The following LINGO1 variants were observed in gnomAD, a reference collection of about 807,000 sequenced individuals.
The protein encoded by LINGO1 is leucine-rich repeat and immunoglobulin-like domain-containing nogo receptor-interacting protein 1.
Under a neutral mutation model 37.3 loss-of-function variants are expected in LINGO1, and 11 were observed. The ratio of observed to expected loss-of-function variants is 0.29; its 90% CI spans 0.19 to 0.49. LINGO1 has a LOEUF of 0.49. LINGO1 is among the 20% of genes least tolerant of loss of function. LINGO1 has a pLI of 0.99. For synonymous variants in LINGO1, 387 were observed against 403.0 expected, an observed-to-expected ratio of 0.96 and a Z score of 0.48; for missense variants, 585 against 878.2, an observed-to-expected ratio of 0.67 and a Z score of 4.22.
chr15:77,774,137 G>T lies in LINGO1; in HGVS notation c.-257+12732C>A, dbSNP rs1367095279. Among the ~76,000 whole-genome samples the T allele has an allele frequency of 2.6e-5, 4 of 152,138 alleles. No homozygotes were observed. In the East Asian group the frequency reaches 7.7e-4, roughly 29 times the overall value. On this transcript the variant is annotated intron_variant, in intron 1 of 3. Transcript: ENST00000561686. ...CAGGGAGAATAGGTGAGCGAGGCTGGAGAGCCCTATACCTCTCCCAGGTGT... is the reference window on the plus strand; with the variant it reads ...CAGGGAGAATAGGTGAGCGAGGCTGTAGAGCCCTATACCTCTCCCAGGTGT...
chr15:77,804,340 G>C (rs1018950918), intron 1 of LINGO1, among the ~76,000 whole-genome samples: 19 of 152,196 alleles, frequency 1.2e-4, no homozygotes, highest in African/African-American at 4.6e-4. Context: ...GAGTGCTGAG[G>C]GGAGGGACTA....
At chr15:77,694,506 T>TC (rs2075657216) in intron 1 of LINGO1, among the ~76,000 whole-genome samples, 1 of 151,768 alleles carries the variant, frequency 6.6e-6, no homozygotes, top group South Asian at 2.1e-4. Context: ...CGCAGGAATC[T>TC]CCCCACTCCA....
intron 1 of LINGO1, among the ~76,000 whole-genome samples, chr15:77,740,486 A>C (rs1170280340): frequency 6.6e-6 from 1 of 152,068 alleles, no homozygotes; most frequent in African/African-American, 2.4e-5. Flanking sequence ...CTCCCCACCC[A>C]GCACAGACCA....
rs142670142 is a variant in LINGO1, at chr15:77,650,801, T to C, written c.-13+26288A>G. 4.9e-4 allele frequency among the ~76,000 whole-genome samples: 74 copies of C among 152,132 alleles called. 1 individual carries two copies. In the East Asian group the frequency reaches 0.014, roughly 28 times the overall value. On this transcript the variant is annotated intron_variant, in intron 3 of 3. Transcript: ENST00000559893. ...GTGGTCACAGAGGGCAGAGGCTATA[T>C]ATGGCTAACACAGGTGATGGGATAA...
intron 2 of LINGO1, among the ~76,000 whole-genome samples, chr15:77,725,318 G>A (rs1238999422): frequency 6.6e-6 from 1 of 152,216 alleles, no homozygotes; most frequent in Non-Finnish European, 1.5e-5. Context: ...CACTTCAGGA[G>A]GCCAAGGCAG....
chr15:77,738,746 CTGAA>C (rs1567555791), intron 1 of LINGO1, among the ~76,000 whole-genome samples: 2 of 94,276 alleles, frequency 2.1e-5, no homozygotes, highest in African/African-American at 4.6e-5. Context: ...TACATATTTG[CTGAA>C]GGAAGGAAGG....
chr15:77,709,397 C>T (rs1372413509), intron 2 of LINGO1, among the ~76,000 whole-genome samples: 1 of 152,192 alleles, frequency 6.6e-6, no homozygotes, highest in Non-Finnish European at 1.5e-5. Flanking sequence ...ACAGGGTCAT[C>T]ATTCCCGTCC....
Position 77,614,401 on chromosome 15 carries a change from C to G in LINGO1, c.1506G>C (p.Ala502=). 5 of 1,613,046 alleles carry G rather than the reference C, an allele frequency of 3.1e-6. No individual in the cohort carries two copies. The highest frequency in any genetic ancestry group is 4.2e-6 in the Non-Finnish European group (5 of 1,179,792). Residue 502 remains alanine (A), a synonymous_variant, in exon 2 of 2, where the codon GCG becomes GCC. Coordinates refer to ENST00000355300, the MANE Select transcript of LINGO1 (RefSeq NM_032808.7). ...GGGCGGGCATGGAGTCGTTGCCGCC[C>G]GCGTTGGCCGCGATGCACAGGTACG... ...NGTYLCIAAN[A]GGNDSMPAHL... is the part of the protein sequence containing the mutation.
At chr15:77,785,048 G>A (rs529971519) in intron 1 of LINGO1, 2 of 152,348 alleles carry the variant, frequency 1.3e-5, no homozygotes, top group African/African-American at 2.4e-5. Context: ...TTTGAAACAC[G>A]GCCAGGGCAG....
intron 3 of LINGO1, among the ~76,000 whole-genome samples, chr15:77,673,412 C>T (rs1412917914): frequency 2.7e-5 from 4 of 149,810 alleles, no homozygotes; most frequent in Non-Finnish European, 4.4e-5. Context: ...TGCATTTCAC[C>T]GCCCCAATCG....
intron 1 of LINGO1, among the ~76,000 whole-genome samples, chr15:77,631,414 A>C (rs1396330747): frequency 2.6e-5 from 4 of 152,054 alleles, no homozygotes; most frequent in Admixed American, 6.5e-5. Flanking sequence ...GTGCAGGCAC[A>C]GTCAGGCTGG....
rs1473368598 is a variant in LINGO1 at position 77,756,483 on chromosome 15, CAG to C, written c.-256-21432_-256-21431del. The stretch of plus-strand genomic sequence containing the variant: ...ACACTGACATACAATGACAGACAGA[CAG>C]ACACACACACACACACACACACACA... On this transcript the variant is annotated intron_variant, in intron 1 of 3. Transcript: ENST00000561686. 3.1e-3 allele frequency among the ~76,000 whole-genome samples: 346 copies of C among 110,246 alleles called. 3 individuals carry two copies. Among genetic ancestry groups the C allele is most frequent in the African/African-American group, 0.013 (321 of 24,164 alleles). 72.3% of individuals were successfully genotyped at this position (110,246 alleles called of 152,430 possible). A position where few individuals can be genotyped will look rare whatever the true frequency, so the allele number is the denominator to read the frequency against.
intron 3 of LINGO1, among the ~76,000 whole-genome samples, chr15:77,670,777 C>T (rs2075234100): frequency 6.6e-6 from 1 of 152,232 alleles, no homozygotes; most frequent in Non-Finnish European, 1.5e-5. Flanking sequence ...GGGCCAGCTG[C>T]TGCTGGGCAG....
intron 1 of LINGO1, among the ~76,000 whole-genome samples, chr15:77,812,196 A>C (rs573788815): frequency 6.7e-4 from 102 of 152,304 alleles, no homozygotes; most frequent in African/African-American, 2.4e-3. Flanking sequence ...CTGTCTTGTG[A>C]CCACACCTCC....
chr15:77,630,434 T>TG (rs1460706139), intron 1 of LINGO1, among the ~76,000 whole-genome samples: 1 of 152,158 alleles, frequency 6.6e-6, no homozygotes, highest in Admixed American at 6.5e-5. Context: ...GGTTGTTTTT[T>TG]GGGGGGTTGG....
At chr15:77,789,515 G>A (rs886177954), upstream of LINGO1, among the ~76,000 whole-genome samples, 4 of 152,176 alleles carry the variant, frequency 2.6e-5, no homozygotes, top group Non-Finnish European at 4.4e-5. Context: ...GCTGAGGCAC[G>A]AGAATTGCTT....
intron 2 of LINGO1, among the ~76,000 whole-genome samples, chr15:77,727,290 C>T (rs2076111969): frequency 6.6e-6 from 1 of 152,182 alleles, no homozygotes. Flanking sequence ...TGTGCACACT[C>T]ATGTTCATTG....
upstream of LINGO1, among the ~76,000 whole-genome samples, chr15:77,635,095 G>A (rs989025297): frequency 5.9e-5 from 9 of 152,224 alleles, no homozygotes; most frequent in African/African-American, 1.9e-4. Flanking sequence ...GGGTCCTAGG[G>A]TGGGGTATTT....
At chr15:77,659,026 T>TAA (rs1021360193) in intron 3 of LINGO1, among the ~76,000 whole-genome samples, 1 of 152,048 alleles carries the variant, frequency 6.6e-6, no homozygotes, top group Non-Finnish European at 1.5e-5. Flanking sequence ...ATTTTAAAAA[T>TAA]TCATTAAGGT....
Sources: allele counts gnomAD v4.1 joint callset (sites outside exome capture counted in the v4.1 genomes callset), GRCh38; gene constraint gnomAD v4.1.1; transcripts MANE v1.5; gene names NCBI Gene and HGNC (gene_info 2026-07-23, HGNC 2026-07-21).